The following CTNNA1 variants were observed in gnomAD, a reference collection of about 807,000 sequenced individuals.
CTNNA1 encodes the protein catenin alpha 1.
Under a neutral mutation model 98.4 loss-of-function variants are expected in CTNNA1, and 37 were observed. The ratio of observed to expected loss-of-function variants is 0.38; its 90% confidence interval spans 0.29 to 0.49. The LOEUF (loss-of-function observed/expected upper bound fraction) is 0.49, where lower values mean the gene tolerates loss of function less well. Among genes scored for constraint, CTNNA1 ranks in the 20% least tolerant of loss-of-function variants. The pLI, the probability that CTNNA1 is intolerant of heterozygous loss-of-function variation, is 0.95. For synonymous variants in CTNNA1, 404 were observed against 413.2 expected (o/e 0.98, Z 0.27); for missense variants, 761 against 1,147.2 (o/e 0.66, Z 4.86).
At position 138,887,481 on chromosome 5, in the gene CTNNA1, A is replaced by C; in HGVS notation, c.1144-9A>C. The C allele has an allele frequency of 6.3e-7, 1 of 1,576,850 alleles. No individual in the cohort carries two copies. Among genetic ancestry groups the C allele is most frequent in the Non-Finnish European group, 8.6e-7 (1 of 1,164,148 alleles). On this transcript the variant is annotated splice_polypyrimidine_tract_variant and intron_variant, in intron 8 of 17. Coordinates refer to ENST00000302763, the MANE Select transcript of CTNNA1 (RefSeq NM_001903.5). ...AAATAAAATCAAATTTTTACAATTTAATCATTAGCTCCGCAAAGCTGTCAT... is the reference window on the plus strand; with the variant it reads ...AAATAAAATCAAATTTTTACAATTTCATCATTAGCTCCGCAAAGCTGTCAT...
intron 7 of CTNNA1, among the ~76,000 whole-genome samples, chr5:138,855,204 A>C (rs1041767250): frequency 1.3e-5 from 2 of 152,070 alleles, no homozygotes; most frequent in Non-Finnish European, 2.9e-5. Flanking sequence ...ACGCCCAGCT[A>C]ATTTTTGTAT....
chr5:138,756,005 A>G (rs1046262030), intron 1 of CTNNA1, among the ~76,000 whole-genome samples: 13 of 148,834 alleles, frequency 8.7e-5, no homozygotes, highest in African/African-American at 3.2e-4. Context: ...TGGGATTACT[A>G]AGTGCAAGCT....
At chr5:138,900,625 A>T (rs1019451383) in intron 9 of CTNNA1, among the ~76,000 whole-genome samples, 1 of 152,190 alleles carries the variant, frequency 6.6e-6, no homozygotes, top group Non-Finnish European at 1.5e-5. Context: ...TCCTAAATGA[A>T]ACTTCATTTA....
intron 8 of CTNNA1, 25 bp downstream of exon 8, chr5:138,886,317 G>A (rs1754013641): frequency 6.4e-7 from 1 of 1,554,786 alleles, no homozygotes; most frequent in African/African-American, 1.4e-5. Flanking sequence ...AGTGCTGATT[G>A]TTTTTCTAAG....
At chr5:138,825,087 A>T (rs1318195672) in intron 6 of CTNNA1, among the ~76,000 whole-genome samples, 1 of 152,162 alleles carries the variant, frequency 6.6e-6, no homozygotes, top group Non-Finnish European at 1.5e-5. Context: ...GTTCATTTCA[A>T]CCAAGATTTT....
At chr5:138,903,432 A>G (rs1449476522) in intron 9 of CTNNA1, among the ~76,000 whole-genome samples, 4 of 152,198 alleles carry the variant, frequency 2.6e-5, no homozygotes, top group Non-Finnish European at 5.9e-5. Flanking sequence ...TCAGTTTGCA[A>G]CTGGGGTAAA....
At chr5:138,811,594 C>T (rs906009861) in intron 4 of CTNNA1, among the ~76,000 whole-genome samples, 2 of 152,010 alleles carry the variant, frequency 1.3e-5, no homozygotes, top group Non-Finnish European at 2.9e-5. Context: ...TGTAGCAAGC[C>T]GAGATCACGC....
intron 11 of CTNNA1, 118 bp from the exon 12 acceptor site, chr5:138,924,391 TA>T: frequency 1.1e-6 from 1 of 938,670 alleles, no homozygotes; most frequent in African/African-American, 1.6e-5. Flanking sequence ...GAAGTATATG[TA>T]AAACTTTCAG....
intron 17 of CTNNA1, 83 bp from the exon 18 acceptor site, chr5:138,933,719 G>T: frequency 1.4e-6 from 2 of 1,420,980 alleles, no homozygotes; most frequent in Non-Finnish European, 1.9e-6. Context: ...GGAGTAGGGG[G>T]CTCCCCTTCA....
At chr5:138,819,717 C>G (rs1759820463) in intron 5 of CTNNA1, among the ~76,000 whole-genome samples, 1 of 152,144 alleles carries the variant, frequency 6.6e-6, no homozygotes, top group African/African-American at 2.4e-5. Context: ...GGGGTGACTC[C>G]TCTAAGCAGC....
At chr5:138,920,973 A>C (rs1762806147) in intron 11 of CTNNA1, among the ~76,000 whole-genome samples, 1 of 152,108 alleles carries the variant, frequency 6.6e-6, no homozygotes, top group Non-Finnish European at 1.5e-5. Flanking sequence ...AACTTTGATC[A>C]TTGTCAAATA....
chr5:138,934,588 A>C lies in CTNNA1; in HGVS notation c.*499A>C, dbSNP rs1017026685. On this transcript the variant is annotated 3_prime_UTR_variant, in exon 18 of 18. Coordinates refer to ENST00000302763, the MANE Select transcript of CTNNA1 (RefSeq NM_001903.5). ...GGTCTCTGGAGGGACAAACTCACTC[A>C]GTAAAACATAATGTATCATGAAGAA... The C allele has an allele frequency of 5.4e-5, 8 of 148,778 alleles. No individual in the cohort carries two copies. The highest frequency in any genetic ancestry group is 2.0e-4 in the African/African-American group (8 of 39,936). 9.2% of individuals were successfully genotyped at this position (148,778 alleles called of 1,614,324 possible). A position where few individuals can be genotyped will look rare whatever the true frequency, so the allele number is the denominator to read the frequency against.
Position 138,917,770 on chromosome 5 carries a change from C to G in CTNNA1, c.1418C>G (p.Ala473Gly), listed in dbSNP as rs1762099256. Residue 473 changes from alanine to glycine, a missense_variant, in exon 11 of 18, where the codon GCA becomes GGA. Ala to Gly is a moderately conservative substitution (Grantham distance 60, BLOSUM62 0). Around this residue, in one of 6 missense-constraint regions of CTNNA1, gnomAD observed 287 missense variants for 436.0 expected, o/e 0.66. Transcript: ENST00000302763. ...QVINAALALA[A>G]KPQSKLAQEN... ...ATTAATGCTGCACTGGCTTTAGCAGCAAAACCACAGAGTAAACTGGCCCAA... is the reference window on the plus strand; with the variant it reads ...ATTAATGCTGCACTGGCTTTAGCAGGAAAACCACAGAGTAAACTGGCCCAA... 6.2e-7 allele frequency: 1 copy of G among 1,614,056 alleles called. No individual in the cohort carries two copies. Among genetic ancestry groups the G allele is most frequent in the Non-Finnish European group, 8.5e-7 (1 of 1,179,990 alleles).
intron 1 of CTNNA1, among the ~76,000 whole-genome samples, chr5:138,759,598 C>T (rs1303494142): frequency 1.3e-5 from 2 of 152,160 alleles, no homozygotes; most frequent in African/African-American, 4.8e-5. Flanking sequence ...CTATCCTTCT[C>T]AGTGTCTGCC....
At chr5:138,825,275 T>TAA (rs1760539320) in intron 6 of CTNNA1, among the ~76,000 whole-genome samples, 1 of 152,134 alleles carries the variant, frequency 6.6e-6, no homozygotes, top group Non-Finnish European at 1.5e-5. Context: ...AGTGACTAAA[T>TAA]TGGAATAATG....
At chr5:138,759,166 T>C (rs1489570256) in intron 1 of CTNNA1, among the ~76,000 whole-genome samples, 1 of 152,256 alleles carries the variant, frequency 6.6e-6, no homozygotes, top group Non-Finnish European at 1.5e-5. Context: ...TCCTGTATCT[T>C]TGTATGACCT....
intron 7 of CTNNA1, among the ~76,000 whole-genome samples, chr5:138,883,367 C>G (rs553493227): frequency 6.6e-6 from 1 of 152,274 alleles, no homozygotes; most frequent in East Asian, 1.9e-4. Flanking sequence ...TAGTAAATAA[C>G]TGCTCCTAAA....
rs139619361 is a variant in CTNNA1 at position 138,823,613 on chromosome 5, A to C, written c.589-917A>C. ...ATATCCTCACCTATTTATGTAGTTC[A>C]TACATACCTGTGGCATCCTGTCCCA... On this transcript the variant is annotated intron_variant, in intron 5 of 17. Transcript: ENST00000302763. 4.8e-3 allele frequency among the ~76,000 whole-genome samples: 725 copies of C among 152,258 alleles called. 3 individuals carry two copies. Among genetic ancestry groups the C allele is most frequent in the African/African-American group, 0.015 (610 of 41,534 alleles).
At chr5:138,808,040 C>T (rs1025627859) in intron 3 of CTNNA1, among the ~76,000 whole-genome samples, 5 of 152,228 alleles carry the variant, frequency 3.3e-5, no homozygotes, top group East Asian at 1.9e-4. Context: ...TGTGAACTAC[C>T]GTGCCCAGCC....
Sources: gnomAD v4.1 joint callset for allele counts (sites outside exome capture counted in the v4.1 genomes callset) on GRCh38, gnomAD v4.1.1 for gene constraint, gnomAD v4.1.1 regional missense constraint, MANE v1.5 for transcripts, NCBI Gene and HGNC (gene_info 2026-07-23, HGNC 2026-07-21) for gene names.